The following ACP2 variants were observed in gnomAD, a reference collection of about 807,000 sequenced individuals.
ACP2 encodes the protein lysosomal acid phosphatase.
A neutral mutation model predicts 54.7 loss-of-function variants in ACP2; 35 were observed. The observed-to-expected ratio is 0.64, with a 90% CI of 0.49 to 0.85. The LOEUF is 0.85. Ranked by LOEUF, ACP2 falls within the 40% of genes least tolerant of loss-of-function variation. ACP2 has a pLI of 0.00. For synonymous variants in ACP2, 210 were observed against 224.4 expected (o/e 0.94, Z 0.57); for missense variants, 492 against 565.0 (o/e 0.87, Z 1.31).
chr11:47,244,834 A>T lies in ACP2; in HGVS notation c.673T>A (p.Ser225Thr). Residue 225 changes from serine to threonine, a missense_variant, in exon 7 of 11, where the codon TCA (serine) becomes ACA (threonine). Physicochemically the swap from Ser to Thr is moderately conservative, Grantham distance 58 (BLOSUM62 1). Coordinates refer to ENST00000672073, the MANE Select transcript of ACP2 (RefSeq NM_001610.4). Reference protein sequence around the residue: ...THGLRLPPWASPQTMQRLSRL... With the variant: ...THGLRLPPWATPQTMQRLSRL... Reference sequence around the variant, plus strand: ...CTGAGACGCTGCATGGTTTGGGGTGAGGCCCAGGGCGGCAGGCGCAGCCCG... The same window carrying T: ...CTGAGACGCTGCATGGTTTGGGGTGTGGCCCAGGGCGGCAGGCGCAGCCCG... The T allele has an allele frequency of 6.2e-7, 1 of 1,611,602 alleles. No homozygotes were observed. The highest frequency in any genetic ancestry group is 1.1e-5 in the South Asian group (1 of 91,000).
At chr11:47,245,974 C>A (rs188773441) in intron 3 of ACP2, 140 bp from the exon 4 acceptor site, 5 of 1,369,154 alleles carry the variant, frequency 3.7e-6, no homozygotes, top group African/African-American at 1.5e-5. Flanking sequence ...AGTGGAGCCC[C>A]AGAGGAGAAC....
chr11:47,247,578 C>T (rs45603841), intron 3 of ACP2, 63 bp downstream of exon 3: 63,324 of 1,598,572 alleles, frequency 0.04, 1,689 homozygotes, highest in South Asian at 0.11. Flanking sequence ...CTTAGGCTCC[C>T]TGAGGGCAAA....
intron 1 of ACP2, chr11:47,248,343 A>T: frequency 1.6e-6 from 2 of 1,226,098 alleles, no homozygotes; most frequent in East Asian, 2.6e-5. Flanking sequence ...CCATAGGCAA[A>T]GCCAAGGTAC....
intron 3 of ACP2, among the ~76,000 whole-genome samples, 167 bp from the exon 4 acceptor site, chr11:47,246,001 C>T (rs1264938325): frequency 6.6e-6 from 1 of 152,158 alleles, no homozygotes; most frequent in African/African-American, 2.4e-5. Context: ...CTGATGGTCA[C>T]CCAGCAAACT....
Position 47,239,999 on chromosome 11 carries a change from A to G in ACP2, c.*117T>C. On this transcript the variant is annotated 3_prime_UTR_variant, in exon 11 of 11. Coordinates refer to ENST00000672073, the MANE Select transcript of ACP2 (RefSeq NM_001610.4). The stretch of plus-strand genomic sequence containing the variant: ...CCCACTCGCTCATCTGGCTGGGGTC[A>G]TCAGAGGGAGGCCCAACCCAGGATC... 8.5e-7 allele frequency: 1 copy of G among 1,172,896 alleles called. No homozygotes were observed. Among genetic ancestry groups the G allele is most frequent in the East Asian group, 2.4e-5 (1 of 41,830 alleles). The allele number at this position is 1,172,896 out of a possible 1,614,324, so 72.7% of individuals were successfully genotyped here.
intron 10 of ACP2, 72 bp from the exon 11 acceptor site, chr11:47,240,321 A>G: frequency 1.3e-6 from 1 of 798,086 alleles, no homozygotes; most frequent in Non-Finnish European, 2.2e-6. Flanking sequence ...TCTGACATAT[A>G]GGAGATACAC....
intron 10 of ACP2, 86 bp from the exon 11 acceptor site, chr11:47,240,335 G>T: frequency 1.4e-6 from 1 of 724,216 alleles, no homozygotes; most frequent in Non-Finnish European, 2.5e-6. Context: ...GATACACAGA[G>T]GTGGCCAAGA....
At position 47,240,066 on chromosome 11, in the gene ACP2, G is replaced by A. The variant is rs1323412250; in HGVS notation, c.*50C>T. On this transcript the variant is annotated 3_prime_UTR_variant, in exon 11 of 11. Transcript: ENST00000672073. ...GGGAGCAGCAACAGTCAGGAGCGAG[G>A]GCCCAGCCCACCTCCCCTAGGAGGT... is the stretch of plus-strand genomic sequence containing the variant. 1.3e-6 allele frequency: 2 copies of A among 1,574,346 alleles called. No homozygotes were observed. The highest frequency in any genetic ancestry group is 8.6e-7 in the Non-Finnish European group (1 of 1,159,038).
chr11:47,247,321 T>A (rs1954176633), intron 3 of ACP2: 1 of 447,354 alleles, frequency 2.2e-6, no homozygotes, highest in Admixed American at 3.5e-5. Context: ...TGCAAAGTGC[T>A]AGCACAGTCC....
chr11:47,243,199 C>G, intron 8 of ACP2, 40 bp downstream of exon 8: 1 of 1,613,704 alleles, frequency 6.2e-7, no homozygotes, highest in South Asian at 1.1e-5. Flanking sequence ...AAATCCAGCT[C>G]CTTGCCTGAC....
rs780723421 is a variant in ACP2, at chr11:47,243,107, A to C, written c.873T>G (p.Val291=). ...LVYSAHDTTL[V]ALQMALDVYN... ...AGACATCCAGTGCCATTTGCAGGGC[A>C]ACCAGGGTAGTGTCGTGCTGCGGGG... The change falls in exon 9 of 11, where the codon GTT becomes GTG. Residue 291 remains valine, a synonymous_variant. Coordinates refer to ENST00000672073, the MANE Select transcript of ACP2 (RefSeq NM_001610.4). 11 of 1,614,124 alleles carry C rather than the reference A, an allele frequency of 6.8e-6. No homozygotes were observed. The South Asian group carries it at 1.2e-4, about 18-fold the overall frequency.
chr11:47,244,842 G>C lies in ACP2; in HGVS notation c.665C>G (p.Pro222Arg). ...CTGCATGGTTTGGGGTGAGGCCCAG[G>C]GCGGCAGGCGCAGCCCGTGCGTTTG... ...CEQTHGLRLPPWASPQTMQRL... is the reference protein window; with the variant it reads ...CEQTHGLRLPRWASPQTMQRL... The change falls in exon 7 of 11, where the codon CCC (proline) becomes CGC (arginine). Residue 222 changes from proline (P) to arginine (R), a missense_variant. Pro to Arg is a moderately radical substitution (Grantham distance 103, BLOSUM62 -2). Coordinates refer to ENST00000672073, the MANE Select transcript of ACP2 (RefSeq NM_001610.4). The C allele has an allele frequency of 6.2e-7, 1 of 1,610,680 alleles. No individual in the cohort carries two copies. Among genetic ancestry groups the C allele is most frequent in the Non-Finnish European group, 8.5e-7 (1 of 1,177,508 alleles).
chr11:47,243,239 C>T lies in ACP2; in HGVS notation c.855G>A (p.Ala285=), dbSNP rs1256696271. The part of the protein sequence containing the change: ...SQLPKLLVYS[A]HDTTLVALQM... ...CACGCTAGGGAGCGCAGGCACTCAC[C>T]GCAGAGTAAACCAGCAGCTTGGGGA... The change falls in exon 8 of 11, where the codon GCG becomes GCA. Residue 285 remains alanine (A), a splice_region_variant and synonymous_variant. Transcript: ENST00000672073. 5.6e-6 allele frequency: 9 copies of T among 1,614,124 alleles called. No individual in the cohort carries two copies. The highest frequency in any genetic ancestry group is 2.2e-5 in the East Asian group (1 of 44,896).
intron 10 of ACP2, among the ~76,000 whole-genome samples, chr11:47,241,293 G>A (rs542099358): frequency 3.9e-5 from 6 of 152,310 alleles, no homozygotes; most frequent in Non-Finnish European, 7.4e-5. Context: ...TAAGGCGGGC[G>A]GATCACCTGA....
chr11:47,245,393 T>G lies in ACP2; in HGVS notation c.551A>C (p.Gln184Pro). The G allele has an allele frequency of 6.2e-7, 1 of 1,614,088 alleles. No homozygotes were observed. Residue 184 changes from glutamine (Q) to proline (P), a missense_variant and splice_region_variant, in exon 6 of 11, where the codon CAA (glutamine) becomes CCA (proline). Gln to Pro is a moderately conservative substitution (Grantham distance 76). Transcript: ENST00000672073. ...CTCGTTGGCCACCATGTCCAGAAAT[T>G]GCTATGAAAAATGGATCAGGGTCTC... Reference protein sequence around the residue: ...EYQNESSRNAQFLDMVANETG... With the variant: ...EYQNESSRNAPFLDMVANETG...
Position 47,244,834 on chromosome 11 carries a change from A to G in ACP2, c.673T>C (p.Ser225Pro). 6.2e-7 allele frequency: 1 copy of G among 1,611,602 alleles called. No individual in the cohort carries two copies. The highest frequency in any genetic ancestry group is 8.5e-7 in the Non-Finnish European group (1 of 1,178,128). The change falls in exon 7 of 11, where the codon TCA (serine) becomes CCA (proline). Residue 225 changes from serine (S) to proline (P), a missense_variant. Transcript: ENST00000672073. ...THGLRLPPWA[S>P]PQTMQRLSRL... ...CTGAGACGCTGCATGGTTTGGGGTGAGGCCCAGGGCGGCAGGCGCAGCCCG... is the reference window on the plus strand; with the variant it reads ...CTGAGACGCTGCATGGTTTGGGGTGGGGCCCAGGGCGGCAGGCGCAGCCCG...
intron 10 of ACP2, among the ~76,000 whole-genome samples, chr11:47,241,478 C>T (rs1953877494): frequency 6.6e-6 from 1 of 152,184 alleles, no homozygotes; most frequent in African/African-American, 2.4e-5. Flanking sequence ...GATTGCGCCA[C>T]TGCACTCCAG....
At position 47,243,025 on chromosome 11, in the gene ACP2, C is replaced by A; in HGVS notation, c.955G>T (p.Asp319Tyr). The part of the protein sequence containing the change: ...SCHIFELYQE[D>Y]SGNFSVEMYF... ...ACTGCTAGCTCCACTCACCCAGAAT[C>A]TTCCTGGTACAGTTCAAATATGTGG... The change falls in exon 9 of 11, where the codon GAT becomes TAT. Residue 319 changes from aspartate (D) to tyrosine (Y), a missense_variant. By Grantham distance (160) the Asp-to-Tyr change is radical. Transcript: ENST00000672073. The A allele has an allele frequency of 6.2e-7, 1 of 1,614,246 alleles. No individual in the cohort carries two copies. The highest frequency in any genetic ancestry group is 8.5e-7 in the Non-Finnish European group (1 of 1,180,018).
chr11:47,248,492 T>C, intron 1 of ACP2, 184 bp downstream of exon 1: 1 of 1,550,368 alleles, frequency 6.5e-7, no homozygotes. Context: ...CACCCCGACG[T>C]ATTCGGTCAT....
Sources: allele counts gnomAD v4.1 joint callset (sites outside exome capture counted in the v4.1 genomes callset), GRCh38; gene constraint gnomAD v4.1.1; transcripts MANE v1.5; gene names NCBI Gene and HGNC (gene_info 2026-07-23, HGNC 2026-07-21).